HYKK: variants seen among roughly 807,000 people sequenced by gnomAD.
The protein encoded by HYKK is 5-hydroxy-L-lysine kinase.
Under a neutral mutation model 29.7 loss-of-function variants are expected in HYKK, and 19 were observed. The ratio of observed to expected loss-of-function variants is 0.64; its 90% CI spans 0.45 to 0.94. The LOEUF (loss-of-function observed/expected upper bound fraction) is 0.94, where lower values mean the gene tolerates loss of function less well. Ranked by LOEUF, HYKK falls within the 40% of genes least tolerant of loss-of-function variation. The pLI is 0.00. For missense variants in HYKK, 390 were observed against 443.4 expected, an observed-to-expected ratio of 0.88 and a Z score of 1.08; for synonymous variants, 152 against 158.1, an observed-to-expected ratio of 0.96 and a Z score of 0.29.
intron 3 of HYKK, among the ~76,000 whole-genome samples, chr15:78,521,073 G>A (rs891244727): frequency 1.3e-5 from 2 of 152,226 alleles, no homozygotes. Flanking sequence ...CACAAGTGTG[G>A]TATTTTAGTC....
At chr15:78,514,202 TC>T (rs2052103992) in intron 2 of HYKK, among the ~76,000 whole-genome samples, 1 of 152,000 alleles carries the variant, frequency 6.6e-6, no homozygotes, top group Non-Finnish European at 1.5e-5. Context: ...ATACTGGAAA[TC>T]AGGAAATCAG....
At chr15:78,513,495 A>T (rs1193934597) in intron 2 of HYKK, 70 bp downstream of exon 2, 1 of 1,066,836 alleles carries the variant, frequency 9.4e-7, no homozygotes, top group Non-Finnish European at 1.4e-6. Context: ...CACAAGTAGA[A>T]CTATGAAGAG....
At position 78,535,311 on chromosome 15, in the gene HYKK, G is replaced by A. The variant is rs1292330505; in HGVS notation, c.*1641G>A. ...TTTCTTTTTTTTTTTTTTTGGTGGT[G>A]GGGCGGCAGGGACAGGGTTTCACTG... is the stretch of plus-strand genomic sequence containing the variant. On this transcript the variant is annotated 3_prime_UTR_variant, in exon 5 of 5. Transcript: ENST00000388988. The A allele has an allele frequency of 4.9e-5, 6 of 122,704 alleles. No homozygotes were observed. Among genetic ancestry groups the A allele is most frequent in the East Asian group, 4.5e-4 (2 of 4,448 alleles). 7.6% of individuals were successfully genotyped at this position (122,704 alleles called of 1,614,324 possible).
Position 78,533,927 on chromosome 15 carries a change from G to T in HYKK, c.*257G>T. The stretch of plus-strand genomic sequence containing the variant: ...GCCATATCTATAAAACACATATAAT[G>T]ATACCATTTTGAAGCAGATAATCTC... On this transcript the variant is annotated 3_prime_UTR_variant, in exon 5 of 5. Transcript: ENST00000388988. 1 of 427,178 alleles carries T rather than the reference G, an allele frequency of 2.3e-6. No individual in the cohort carries two copies. Among genetic ancestry groups the T allele is most frequent in the South Asian group, 3.6e-5 (1 of 27,974 alleles). The allele number at this position is 427,178 out of a possible 1,614,324, so 26.5% of individuals were successfully genotyped here. A position where few individuals can be genotyped will look rare whatever the true frequency, so the allele number is the denominator to read the frequency against.
intron 4 of HYKK, chr15:78,528,463 T>G (rs1306506148): frequency 1.0e-6 from 1 of 985,260 alleles, no homozygotes; most frequent in Non-Finnish European, 1.2e-6. Context: ...TAGGCTATAT[T>G]TCTAGATATA....
In HYKK at chr15:78,527,583, A is replaced by G; in HGVS notation, c.661+20A>G. The G allele has an allele frequency of 1.2e-6, 2 of 1,610,960 alleles. No individual in the cohort carries two copies. Among genetic ancestry groups the G allele is most frequent in the Non-Finnish European group, 1.7e-6 (2 of 1,177,738 alleles). Reference sequence around the variant, plus strand: ...GAGAATGTGAGTATTCTCCCAATTAAGTATTTTTCTTGATATTTAAACTGT... The same window carrying G: ...GAGAATGTGAGTATTCTCCCAATTAGGTATTTTTCTTGATATTTAAACTGT... On this transcript the variant is annotated intron_variant, in intron 4 of 4. Transcript: ENST00000388988.
At chr15:78,514,908 C>CTATATA (rs1555411228) in intron 2 of HYKK, 60 bp from the exon 3 acceptor site, 47 of 385,414 alleles carry the variant, frequency 1.2e-4, no homozygotes, top group African/African-American at 2.7e-4. Flanking sequence ...CTCTCTCTCT[C>CTATATA]TATATATATA....
chr15:78,513,303 G>A lies in HYKK; in HGVS notation c.215G>A (p.Ser72Asn), dbSNP rs1028134809. 5.6e-6 allele frequency: 9 copies of A among 1,614,174 alleles called. No individual in the cohort carries two copies. The highest frequency in any genetic ancestry group is 7.6e-6 in the Non-Finnish European group (9 of 1,180,024). ...CTCAAAATAAGCAACACCAAGGCTA[G>A]CAAAAATCCAGACCTGATTGAAGTG... ...YVLKISNTKA[S>N]KNPDLIEVQN... The change falls in exon 2 of 5, where the codon AGC becomes AAC. Residue 72 changes from serine (S) to asparagine (N), a missense_variant. Transcript: ENST00000388988.
At chr15:78,525,181 A>G (rs2052237658) in intron 3 of HYKK, among the ~76,000 whole-genome samples, 1 of 151,848 alleles carries the variant, frequency 6.6e-6, no homozygotes, top group Non-Finnish European at 1.5e-5. Flanking sequence ...TTTGAGATGG[A>G]GTCTCGCTCT....
intron 1 of HYKK, 35 bp from the exon 2 acceptor site, chr15:78,513,049 G>C (rs199942521): frequency 9.3e-7 from 1 of 1,073,070 alleles, no homozygotes; most frequent in East Asian, 2.4e-5. Context: ...TTCATCCTGT[G>C]TCCCCTTTCT....
intron 3 of HYKK, 22 bp from the exon 4 acceptor site, chr15:78,527,358 G>A (rs748337891): frequency 1.3e-6 from 2 of 1,599,370 alleles, no homozygotes; most frequent in South Asian, 2.2e-5. Flanking sequence ...AAGAGACTAA[G>A]AATATCTCGC....
At chr15:78,513,024 AT>A in intron 1 of HYKK, 59 bp from the exon 2 acceptor site, 3 of 895,974 alleles carry the variant, frequency 3.3e-6, no homozygotes, top group Non-Finnish European at 5.3e-6. Context: ...GAGAAAAATC[AT>A]TTAAATAAAT....
rs1055940460 is a variant in HYKK, at chr15:78,535,720, T to TTTTG, written c.*2063_*2066dup. The TTTTG allele has an allele frequency of 6.6e-6, 1 of 152,196 alleles. No homozygotes were observed. The highest frequency in any genetic ancestry group is 1.5e-5 in the Non-Finnish European group (1 of 68,058). 9.4% of individuals were successfully genotyped at this position (152,196 alleles called of 1,614,324 possible). On this transcript the variant is annotated 3_prime_UTR_variant, in exon 5 of 5. Coordinates refer to ENST00000388988, the MANE Select transcript of HYKK (RefSeq NM_001013619.4). ...TGGATTTTTTGTTTGTTTTGGGCTT[T>TTTTG]TTTGTTTGTTTGTTTGAGATAGGGT... is the stretch of plus-strand genomic sequence containing the variant.
At chr15:78,531,017 C>T (rs1251762206) in intron 4 of HYKK, among the ~76,000 whole-genome samples, 1 of 152,024 alleles carries the variant, frequency 6.6e-6, no homozygotes, top group Admixed American at 6.6e-5. Flanking sequence ...TTATGCACCA[C>T]CACACCACGT....
intron 3 of HYKK, among the ~76,000 whole-genome samples, chr15:78,516,341 GTCTT>G (rs1048465013): frequency 3.7e-5 from 5 of 136,686 alleles, no homozygotes; most frequent in Non-Finnish European, 7.7e-5. Flanking sequence ...AGAAGGGTTG[GTCTT>G]TTTTTTTTTT....
chr15:78,530,047 A>G (rs932838006), intron 4 of HYKK, among the ~76,000 whole-genome samples: 3 of 151,466 alleles, frequency 2.0e-5, no homozygotes, highest in African/African-American at 7.3e-5. Context: ...TGTTGTTCAG[A>G]CTGGCCTCAA....
intron 2 of HYKK, 80 bp from the exon 3 acceptor site, chr15:78,514,888 A>AGTT: frequency 1.0e-5 from 1 of 97,516 alleles, no homozygotes. Context: ...ATATCTAAAT[A>AGTT]CCTCTCTCTC....
chr15:78,520,770 G>A (rs2141358555), intron 3 of HYKK, among the ~76,000 whole-genome samples: 1 of 152,290 alleles, frequency 6.6e-6, no homozygotes, highest in South Asian at 2.1e-4. Context: ...TCCCAGATGG[G>A]GTGGTGGCCG....
intron 4 of HYKK, chr15:78,528,891 T>G: frequency 1.0e-6 from 1 of 969,286 alleles, no homozygotes; most frequent in Non-Finnish European, 1.2e-6. Flanking sequence ...TTACTCCGTG[T>G]AAACACAGTG....
Sources: gnomAD v4.1 joint callset for allele counts (sites outside exome capture counted in the v4.1 genomes callset) on GRCh38, gnomAD v4.1.1 for gene constraint, MANE v1.5 for transcripts, NCBI Gene and HGNC (gene_info 2026-07-23, HGNC 2026-07-21) for gene names.